Variants in DPH6 observed in about 807,000 individuals in gnomAD.
The protein encoded by DPH6 is diphthamine biosynthesis 6.
DPH6 carries 33 observed loss-of-function variants against 38.2 expected under a neutral mutation model. The observed-to-expected ratio is 0.86, with a 90% CI of 0.65 to 1.15. The LOEUF (loss-of-function observed/expected upper bound fraction) is 1.15, where lower values mean the gene tolerates loss of function less well. DPH6 is among the 50% of genes most tolerant of loss of function. The pLI, the probability that DPH6 is intolerant of heterozygous loss-of-function variation, is 0.00. For missense variants in DPH6, 325 were observed against 320.0 expected (o/e 1.02, Z -0.12); for synonymous variants, 108 against 103.0 (o/e 1.05, Z -0.30).
At chr15:35,274,324 T>C (rs2140429970) in intron 3 of DPH6, among the ~76,000 whole-genome samples, 1 of 152,242 alleles carries the variant, frequency 6.6e-6, no homozygotes, top group East Asian at 1.9e-4. Flanking sequence ...GCCAATACCA[T>C]TCAGGACATA....
chr15:35,168,219 T>C, the DPH6 span, among the ~76,000 whole-genome samples: 3 of 152,088 alleles, frequency 2.0e-5, no homozygotes, highest in Non-Finnish European at 4.4e-5. Flanking sequence ...TTAAGAACCT[T>C]GTTATGGCTG....
intron 3 of DPH6, among the ~76,000 whole-genome samples, chr15:35,502,564 ACATGAACC>A (rs1397529849): frequency 1.3e-5 from 2 of 151,996 alleles, no homozygotes; most frequent in African/African-American, 4.8e-5. Context: ...ATATATATTA[ACATGAACC>A]AAGTGGTAGT....
intron 3 of DPH6, among the ~76,000 whole-genome samples, chr15:35,348,645 G>C (rs1285645640): frequency 1.3e-5 from 2 of 152,002 alleles, no homozygotes; most frequent in Non-Finnish European, 1.5e-5. Flanking sequence ...ATGGTCTTTT[G>C]AGATACCACA....
chr15:35,508,435 C>T (rs1002577768), intron 3 of DPH6, among the ~76,000 whole-genome samples: 1 of 152,098 alleles, frequency 6.6e-6, no homozygotes, highest in Non-Finnish European at 1.5e-5. Flanking sequence ...GAATGTAAAA[C>T]ATGTTACAAC....
chr15:35,498,595 C>T (rs80354591), intron 3 of DPH6, among the ~76,000 whole-genome samples: 6 of 151,996 alleles, frequency 3.9e-5, no homozygotes, highest in Non-Finnish European at 2.9e-5. Flanking sequence ...AGTGTACATG[C>T]GTCCTTGTTG....
the DPH6 span, among the ~76,000 whole-genome samples, chr15:35,207,038 C>CTT: frequency 0.46 from 34,374 of 74,068 alleles, 12,345 homozygotes; most frequent in Non-Finnish European, 0.64. Context: ...TTTAGTAAAG[C>CTT]TTTTTTTTTT....
At chr15:35,504,116 C>T (rs919022277) in intron 3 of DPH6, among the ~76,000 whole-genome samples, 1 of 152,032 alleles carries the variant, frequency 6.6e-6, no homozygotes, top group Non-Finnish European at 1.5e-5. Context: ...CTACACAGTA[C>T]TACAAAATAC....
At chr15:35,150,363 T>G in the DPH6 span, among the ~76,000 whole-genome samples, 2 of 152,146 alleles carry the variant, frequency 1.3e-5, no homozygotes, top group Middle Eastern at 3.2e-3. Context: ...TATAGAGAAG[T>G]TCCTTAGCCA....
chr15:35,400,678 T>TC, intron 6 of DPH6: 1 of 642,106 alleles, frequency 1.6e-6, no homozygotes, highest in Non-Finnish European at 2.8e-6. Context: ...AAGTCTCTCT[T>TC]CCCCCTGCCA....
chr15:35,267,175 G>A (rs944167453), intron 3 of DPH6, among the ~76,000 whole-genome samples: 2 of 152,200 alleles, frequency 1.3e-5, no homozygotes, highest in Non-Finnish European at 2.9e-5. Flanking sequence ...TGAAAAATAA[G>A]GCTGCCAAGG....
At chr15:35,236,570 T>C (rs1414301069) in intron 3 of DPH6, among the ~76,000 whole-genome samples, 1 of 148,662 alleles carries the variant, frequency 6.7e-6, no homozygotes, top group East Asian at 2.0e-4. Flanking sequence ...ACCTGGGAGG[T>C]GGAGCTTGCA....
intron 3 of DPH6, among the ~76,000 whole-genome samples, chr15:35,344,391 A>C (rs1481111): frequency 2.2e-4 from 34 of 151,682 alleles, no homozygotes; most frequent in Non-Finnish European, 4.0e-4. Context: ...CAAAATATAC[A>C]TAAGTATATG....
chr15:35,414,900 T>C (rs758663856), intron 5 of DPH6, among the ~76,000 whole-genome samples: 2 of 151,894 alleles, frequency 1.3e-5, no homozygotes, highest in Non-Finnish European at 2.9e-5. Context: ...ATAATCACTT[T>C]TTTAAACAAA....
chr15:35,479,865 T>C (rs781246264), intron 3 of DPH6, among the ~76,000 whole-genome samples: 32 of 152,098 alleles, frequency 2.1e-4, no homozygotes, highest in Non-Finnish European at 4.0e-4. Flanking sequence ...AAAAGAACAT[T>C]ATCAAAAGCA....
intron 3 of DPH6, among the ~76,000 whole-genome samples, chr15:35,472,153 A>G (rs1014941357): frequency 6.6e-6 from 1 of 152,200 alleles, no homozygotes; most frequent in Non-Finnish European, 1.5e-5. Context: ...TTCAATGACT[A>G]TATCAATCAG....
In DPH6 at chr15:35,467,767, C is replaced by A. The variant is rs569316841; in HGVS notation, c.313-12947G>T. ...TTGCGGAATACCTTGGAGGGACCGG[C>A]CTGAGGCTGTTTTACACTTAATCTT... On this transcript the variant is annotated intron_variant, in intron 3 of 8. Transcript: ENST00000256538. Among the ~76,000 whole-genome samples the A allele has an allele frequency of 7.6e-4, 116 of 152,214 alleles. 3 individuals are homozygous for A. The South Asian group carries it at 0.022, about 29-fold the overall frequency.
At chr15:35,316,953 A>G (rs114243978) in intron 3 of DPH6, among the ~76,000 whole-genome samples, 1 of 152,172 alleles carries the variant, frequency 6.6e-6, no homozygotes, top group Non-Finnish European at 1.5e-5. Context: ...CTAGAATTTT[A>G]TACCCAGCAA....
At chr15:35,263,619 T>G (rs571757679) in intron 3 of DPH6, among the ~76,000 whole-genome samples, 6 of 152,144 alleles carry the variant, frequency 3.9e-5, no homozygotes, top group African/African-American at 1.4e-4. Flanking sequence ...TTGCCAAAGA[T>G]GATCTCAAAC....
intron 4 of DPH6, among the ~76,000 whole-genome samples, chr15:35,453,608 T>A (rs1275683198): frequency 6.6e-6 from 1 of 152,126 alleles, no homozygotes; most frequent in African/African-American, 2.4e-5. Flanking sequence ...AAAATACACA[T>A]GACCTCCTTC....
Sources: gnomAD v4.1 joint callset for allele counts (sites outside exome capture counted in the v4.1 genomes callset) on GRCh38, gnomAD v4.1.1 for gene constraint, MANE v1.5 for transcripts, NCBI Gene and HGNC (gene_info 2026-07-23, HGNC 2026-07-21) for gene names.